Variants in DNMBP observed in about 807,000 individuals in gnomAD.
DNMBP encodes the protein dynamin-binding protein.
A neutral mutation model predicts 150.0 loss-of-function variants in DNMBP; 87 were observed. That is an observed-to-expected ratio of 0.58 (90% CI 0.49 to 0.69). DNMBP has a LOEUF of 0.69. Among genes scored for constraint, DNMBP ranks in the 30% least tolerant of loss-of-function variants. DNMBP has a pLI of 0.00. For synonymous variants in DNMBP, 711 were observed against 750.4 expected, an observed-to-expected ratio of 0.95 and a Z score of 0.86; for missense variants, 1,774 against 1,949.0, an observed-to-expected ratio of 0.91 and a Z score of 1.69.
chr10:99,888,598 C>T (rs905509188), intron 12 of DNMBP, among the ~76,000 whole-genome samples: 1 of 150,976 alleles, frequency 6.6e-6, no homozygotes, highest in Admixed American at 6.6e-5. Flanking sequence ...CTAAATTAAT[C>T]ACAAGCTATT....
intron 2 of DNMBP, among the ~76,000 whole-genome samples, chr10:99,971,056 G>A (rs969333720): frequency 6.6e-6 from 1 of 150,422 alleles, no homozygotes; most frequent in African/African-American, 2.4e-5. Context: ...TTTGAGAAGA[G>A]GAATAATAGC....
Position 99,944,705 on chromosome 10 carries a change from C to A in DNMBP, c.2260+10509G>T, listed in dbSNP as rs563514099. Reference sequence around the variant, plus strand: ...GACCTGAATACCACACGGAAGCCCACAAAATGATGTTTCATTCCCCAACAC... The same window carrying A: ...GACCTGAATACCACACGGAAGCCCAAAAAATGATGTTTCATTCCCCAACAC... On this transcript the variant is annotated intron_variant, in intron 4 of 16. Transcript: ENST00000324109. Among the ~76,000 whole-genome samples, 9 of 134,922 alleles carry A rather than the reference C, an allele frequency of 6.7e-5. No homozygotes were observed. In the East Asian group the frequency reaches 8.0e-4, roughly 12 times the overall value. The allele number at this position is 134,922 out of a possible 152,430, so 88.5% of individuals were successfully genotyped here. A position where few individuals can be genotyped will look rare whatever the true frequency, so the allele number is the denominator to read the frequency against.
chr10:99,882,944 C>T (rs906701603), intron 15 of DNMBP, among the ~76,000 whole-genome samples: 10 of 152,014 alleles, frequency 6.6e-5, no homozygotes, highest in Admixed American at 2.0e-4. Flanking sequence ...GTGCGTGCTA[C>T]TTGTGAGGCT....
At chr10:99,998,742 G>T (rs1016404015) in intron 1 of DNMBP, among the ~76,000 whole-genome samples, 5 of 152,092 alleles carry the variant, frequency 3.3e-5, no homozygotes, top group Non-Finnish European at 5.9e-5. Flanking sequence ...CTGCTGTTTT[G>T]GGGGGTGATA....
intron 4 of DNMBP, among the ~76,000 whole-genome samples, chr10:99,941,656 C>T (rs1420712167): frequency 1.3e-5 from 2 of 151,860 alleles, no homozygotes; most frequent in African/African-American, 4.8e-5. Flanking sequence ...TTAGTAGAGA[C>T]GGGGTTTCTC....
chr10:99,911,586 G>C (rs1162848171), intron 4 of DNMBP, among the ~76,000 whole-genome samples: 2 of 152,162 alleles, frequency 1.3e-5, no homozygotes, highest in African/African-American at 4.8e-5. Flanking sequence ...AACTGCATGT[G>C]GAGAGTGGGG....
At chr10:99,897,495 C>T (rs769094602) in intron 9 of DNMBP, among the ~76,000 whole-genome samples, 12 of 152,138 alleles carry the variant, frequency 7.9e-5, no homozygotes, top group Non-Finnish European at 1.5e-4. Context: ...GGAAACTGCC[C>T]GTGCTCGAAT....
At chr10:99,996,190 A>G (rs2040949690) in intron 1 of DNMBP, among the ~76,000 whole-genome samples, 2 of 152,224 alleles carry the variant, frequency 1.3e-5, no homozygotes, top group Non-Finnish European at 2.9e-5. Context: ...AATCCCACCT[A>G]TGGGATACAA....
chr10:99,890,284 C>T (rs553968531), intron 11 of DNMBP, among the ~76,000 whole-genome samples: 1 of 152,232 alleles, frequency 6.6e-6, no homozygotes, highest in East Asian at 1.9e-4. Context: ...GCCAATGGCC[C>T]TCAGCTTATG....
At chr10:99,885,148 T>C (rs920037546) in intron 14 of DNMBP, among the ~76,000 whole-genome samples, 2 of 152,146 alleles carry the variant, frequency 1.3e-5, no homozygotes, top group Admixed American at 1.3e-4. Context: ...CTGGCAGAAT[T>C]AATATACCCT....
intron 1 of DNMBP, among the ~76,000 whole-genome samples, chr10:99,976,655 G>A (rs985446650): frequency 6.6e-6 from 1 of 152,260 alleles, no homozygotes; most frequent in Admixed American, 6.5e-5. Flanking sequence ...ACACATGTTC[G>A]TGGTAGAGTT....
intron 1 of DNMBP, among the ~76,000 whole-genome samples, chr10:99,998,106 A>AGG (rs1564759173): frequency 6.6e-6 from 1 of 150,758 alleles, no homozygotes; most frequent in Non-Finnish European, 1.5e-5. Flanking sequence ...GTGGTGGCGC[A>AGG]CACCTGTATT....
chr10:99,886,207 A>C, intron 13 of DNMBP, 93 bp downstream of exon 13: 2 of 1,052,184 alleles, frequency 1.9e-6, no homozygotes, highest in Non-Finnish European at 1.4e-6. Flanking sequence ...TATCTAATTC[A>C]GATAATTTTT....
intron 15 of DNMBP, among the ~76,000 whole-genome samples, chr10:99,883,638 C>CAAAA (rs71009782): frequency 0.13 from 8,787 of 65,356 alleles, 967 homozygotes; most frequent in Non-Finnish European, 0.2. Context: ...AAGACTGCCA[C>CAAAA]AAAAAAAAAA....
At chr10:99,885,273 G>A (rs541888079) in intron 14 of DNMBP, among the ~76,000 whole-genome samples, 6 of 152,354 alleles carry the variant, frequency 3.9e-5, no homozygotes, top group African/African-American at 1.4e-4. Context: ...CACTTTGGGA[G>A]GCTGAGGCGG....
At chr10:99,930,477 C>G (rs2040139033) in intron 4 of DNMBP, 1 of 703,020 alleles carries the variant, frequency 1.4e-6, no homozygotes, top group Middle Eastern at 2.3e-4. Flanking sequence ...ACCATCATGA[C>G]CTCCGTGGTA....
chr10:99,988,812 C>A (rs528695756), intron 1 of DNMBP, among the ~76,000 whole-genome samples: 3 of 152,238 alleles, frequency 2.0e-5, no homozygotes, highest in African/African-American at 7.2e-5. Context: ...CAGGCATGAA[C>A]CACCATACCC....
chr10:99,881,603 C>T (rs1328070832), intron 15 of DNMBP, among the ~76,000 whole-genome samples: 1 of 152,198 alleles, frequency 6.6e-6, no homozygotes, highest in East Asian at 1.9e-4. Flanking sequence ...AATACTGTGG[C>T]TTCCTGCTAC....
At position 99,899,905 on chromosome 10, in the gene DNMBP, G is replaced by A. The variant is rs368513556; in HGVS notation, c.2702+14C>T. The A allele has an allele frequency of 6.2e-7, 1 of 1,614,004 alleles. No individual in the cohort carries two copies. The highest frequency in any genetic ancestry group is 8.5e-7 in the Non-Finnish European group (1 of 1,179,944). ...AAAGAGCTGTAATGGAAGTTAAGTG[G>A]TCAAAACTCCTACTTCAGATCTGCC... On this transcript the variant is annotated intron_variant, in intron 7 of 16. Coordinates refer to ENST00000324109, the MANE Select transcript of DNMBP (RefSeq NM_015221.4).
Sources: allele counts gnomAD v4.1 joint callset (sites outside exome capture counted in the v4.1 genomes callset), GRCh38; gene constraint gnomAD v4.1.1; transcripts MANE v1.5; gene names NCBI Gene and HGNC (gene_info 2026-07-23, HGNC 2026-07-21).